DYNLL1: variants seen among roughly 807,000 people sequenced by gnomAD.
DYNLL1 encodes the protein dynein light chain LC8-type 1.
Under a neutral mutation model 10.1 loss-of-function variants are expected in DYNLL1, and 3 were observed. That is an observed-to-expected ratio of 0.30 (90% CI 0.14 to 0.77). DYNLL1 has a LOEUF of 0.77. Among genes scored for constraint, DYNLL1 ranks in the 30% least tolerant of loss-of-function variants. The probability of loss-of-function intolerance (pLI) is 0.66; values close to 1 mark genes in which losing one functional copy is unlikely to be tolerated. For missense variants in DYNLL1, 47 were observed against 111.7 expected, an observed-to-expected ratio of 0.42 and a Z score of 2.61; for synonymous variants, 46 against 41.2, an observed-to-expected ratio of 1.12 and a Z score of -0.45.
intron 2 of DYNLL1, chr12:120,496,759 TTA>T (rs1565925924): frequency 1.4e-6 from 1 of 708,074 alleles, no homozygotes; most frequent in Admixed American, 3.0e-5. Flanking sequence ...TTTTTTTTTT[TTA>T]ATTACCCAGC....
Position 120,480,847 on chromosome 12 carries a change from C to T in DYNLL1, c.-7+10743C>T, listed in dbSNP as rs553750515. Among the ~76,000 whole-genome samples, 599 of 151,984 alleles carry T rather than the reference C, an allele frequency of 3.9e-3. 3 individuals carry two copies. The highest frequency in any genetic ancestry group is 0.01 in the Middle Eastern group (3 of 294). ...CCATCTTGGCTCACTGCAAGCTCCG[C>T]CTCCCGGGTTCACGTCATTCTCCTG... On this transcript the variant is annotated intron_variant, in intron 1 of 2. Transcript: ENST00000392509.
At chr12:120,469,865 C>T (rs1878601810) in exon 1 of DYNLL1, 1 of 249,852 alleles carries the variant, frequency 4.0e-6, no homozygotes, top group South Asian at 1.7e-4. Context: ...CAGGGAGAGC[C>T]TGGGGCCGGG....
rs1231838419 is a variant in DYNLL1 at position 120,496,558 on chromosome 12, G to A, written c.132+5G>A. 8 of 1,613,822 alleles carry A rather than the reference G, an allele frequency of 5.0e-6. No homozygotes were observed. Among genetic ancestry groups the A allele is most frequent in the Non-Finnish European group, 5.9e-6 (7 of 1,179,942 alleles). On this transcript the variant is annotated splice_donor_5th_base_variant and intron_variant, in intron 2 of 2. Transcript: ENST00000242577. ...ATTGCGGCTCATATCAAGAAGGTGA[G>A]GATGGGCGCGGGGGCCGATACGCAG...
intron 1 of DYNLL1, among the ~76,000 whole-genome samples, chr12:120,480,066 C>T (rs1878848975): frequency 1.3e-5 from 2 of 152,080 alleles, no homozygotes; most frequent in South Asian, 4.1e-4. Flanking sequence ...CAAAAGGATG[C>T]TTGTTTGGAA....
At chr12:120,479,440 C>T (rs1303699944) in intron 1 of DYNLL1, among the ~76,000 whole-genome samples, 2 of 88,426 alleles carry the variant, frequency 2.3e-5, no homozygotes, top group South Asian at 9.0e-4. Flanking sequence ...AAGAGTGAAA[C>T]TCCGTCTCCA....
upstream of DYNLL1, among the ~76,000 whole-genome samples, chr12:120,492,489 C>T (rs528373168): frequency 3.2e-4 from 49 of 152,154 alleles, no homozygotes; most frequent in Non-Finnish European, 6.3e-4. This position sits in a 1 kb window ranked among gnomAD's most constrained non-coding sequence, Gnocchi z 4.1. Context: ...ATCGCTTGAA[C>T]CCAGGAGGGT....
intron 1 of DYNLL1, among the ~76,000 whole-genome samples, chr12:120,473,712 A>AT: frequency 6.7e-6 from 1 of 149,900 alleles, no homozygotes; most frequent in African/African-American, 2.5e-5. Flanking sequence ...AAAAAAAAAA[A>AT]ATTAAAAAAT....
chr12:120,470,592 C>T (rs571455617), intron 1 of DYNLL1, among the ~76,000 whole-genome samples: 7 of 152,260 alleles, frequency 4.6e-5, no homozygotes, highest in African/African-American at 1.7e-4. Flanking sequence ...CTCGGGGCGC[C>T]GTGAGGGGTC....
chr12:120,489,640 A>G (rs1879076189), intron 1 of DYNLL1, among the ~76,000 whole-genome samples: 1 of 152,192 alleles, frequency 6.6e-6, no homozygotes. Context: ...CTCATGCAGT[A>G]GCCAGGTCAT....
At chr12:120,496,060 G>A, upstream of DYNLL1, 2 of 379,724 alleles carry the variant, frequency 5.3e-6, no homozygotes, top group Non-Finnish European at 9.7e-6. Context: ...GGGGCCGGCG[G>A]GAGCAGGGCG....
chr12:120,476,309 GT>G (rs5801386), intron 1 of DYNLL1, among the ~76,000 whole-genome samples: 4 of 147,134 alleles, frequency 2.7e-5, no homozygotes, highest in Admixed American at 6.8e-5. Flanking sequence ...ATTATCTGGA[GT>G]TTTTTTTTTT....
intron 1 of DYNLL1, among the ~76,000 whole-genome samples, chr12:120,479,122 C>A (rs1878820289): frequency 6.7e-6 from 1 of 149,804 alleles, no homozygotes. Flanking sequence ...CGAGAACACA[C>A]CACTGCACAG....
At chr12:120,477,237 G>C (rs1009035776) in intron 1 of DYNLL1, among the ~76,000 whole-genome samples, 2 of 152,022 alleles carry the variant, frequency 1.3e-5, no homozygotes, top group African/African-American at 4.8e-5. Flanking sequence ...CCAAGAGCAG[G>C]TTTTTTTTAT....
chr12:120,496,219 G>A lies in DYNLL1; in HGVS notation c.-7+3G>A. 1.6e-5 allele frequency: 12 copies of A among 746,440 alleles called. No individual in the cohort carries two copies. The allele number at this position is 746,440 out of a possible 1,614,324, so 46.2% of individuals were successfully genotyped here. A position where few individuals can be genotyped will look rare whatever the true frequency, so the allele number is the denominator to read the frequency against. On this transcript the variant is annotated splice_donor_region_variant and intron_variant, in intron 1 of 2. Transcript: ENST00000242577. ...GTCGGCCAGCCCCCTTCTCCACGGTGAGAAACTCGGGGGGCCAGGGGGTGT... is the reference window on the plus strand; with the variant it reads ...GTCGGCCAGCCCCCTTCTCCACGGTAAGAAACTCGGGGGGCCAGGGGGTGT...
intron 1 of DYNLL1, among the ~76,000 whole-genome samples, chr12:120,485,818 T>C (rs2137063516): frequency 7.0e-6 from 1 of 143,050 alleles, no homozygotes; most frequent in Middle Eastern, 4.0e-3. Flanking sequence ...CCTAGCCTAT[T>C]TGACAGAGTA....
At chr12:120,474,202 AG>A (rs1878707169) in intron 1 of DYNLL1, among the ~76,000 whole-genome samples, 1 of 151,774 alleles carries the variant, frequency 6.6e-6, no homozygotes, top group South Asian at 2.1e-4. Context: ...TGGGAGGCTG[AG>A]GGGGGAGAAT....
intron 1 of DYNLL1, among the ~76,000 whole-genome samples, chr12:120,487,421 C>T (rs755210310): frequency 2.7e-5 from 4 of 150,470 alleles, no homozygotes; most frequent in African/African-American, 7.4e-5. Flanking sequence ...CTCAGCCTCC[C>T]GAGTAGCTGG....
rs766929831 is a variant in DYNLL1 at position 120,496,407 on chromosome 12, G to C, written c.-6-9G>C. On this transcript the variant is annotated splice_polypyrimidine_tract_variant and intron_variant, in intron 1 of 2. Coordinates refer to ENST00000242577, the MANE Select transcript of DYNLL1 (RefSeq NM_003746.3). ...AACTCAACCCCTTACCCCAGGCCTT[G>C]CCCACTAGGTAACCATGTGCGACCG... 3 of 1,613,828 alleles carry C rather than the reference G, an allele frequency of 1.9e-6. No individual in the cohort carries two copies. Among genetic ancestry groups the C allele is most frequent in the African/African-American group, 1.3e-5 (1 of 74,902 alleles).
At chr12:120,489,796 G>A (rs371412941) in intron 1 of DYNLL1, among the ~76,000 whole-genome samples, 1 of 152,160 alleles carries the variant, frequency 6.6e-6, no homozygotes, top group Non-Finnish European at 1.5e-5. Context: ...CACCCAGACT[G>A]GAGTGCAGTG....
Sources: gnomAD v4.1 joint callset for allele counts (sites outside exome capture counted in the v4.1 genomes callset) on GRCh38, gnomAD v4.1.1 for gene constraint, Gnocchi (gnomAD v3.1) non-coding constraint, MANE v1.5 for transcripts, NCBI Gene and HGNC (gene_info 2026-07-23, HGNC 2026-07-21) for gene names.